The following FAT3 variants were observed in gnomAD, a reference collection of about 807,000 sequenced individuals.
The protein encoded by FAT3 is protocadherin Fat 3.
In FAT3, 95 loss-of-function variants were observed where a neutral mutation model predicts 310.2. The observed-to-expected ratio is 0.31, with a 90% CI of 0.26 to 0.36. The LOEUF (loss-of-function observed/expected upper bound fraction) is 0.36, where lower values mean the gene tolerates loss of function less well. FAT3 is among the 10% of genes least tolerant of loss of function. The probability of loss-of-function intolerance (pLI) is 1.00; values close to 1 mark genes in which losing one functional copy is unlikely to be tolerated. For missense variants in FAT3, 5,408 were observed against 5,715.6 expected (o/e 0.95, Z 1.74); for synonymous variants, 2,314 against 2,192.9 (o/e 1.06, Z -1.54).
chr11:92,702,212 G>C (rs1382823564), intron 4 of FAT3, among the ~76,000 whole-genome samples: 1 of 152,132 alleles, frequency 6.6e-6, no homozygotes, highest in Non-Finnish European at 1.5e-5. Flanking sequence ...TGGTAGCCAT[G>C]GTCAGCATGG....
At chr11:92,862,081 T>C (rs767880828) in intron 21 of FAT3, among the ~76,000 whole-genome samples, 5 of 152,178 alleles carry the variant, frequency 3.3e-5, no homozygotes, top group Non-Finnish European at 5.9e-5. Context: ...AGGCTTACCA[T>C]AAGCATCCAA....
In FAT3 at chr11:92,349,725, A is replaced by G. The variant is rs751249029; in HGVS notation, c.-17-2371A>G. The stretch of plus-strand genomic sequence containing the variant: ...CTGTTCCACTTACTTAGCATATGCA[A>G]TGTCTCTAAAGAACTGCATGTGAAA... On this transcript the variant is annotated intron_variant, in intron 1 of 27. Coordinates refer to ENST00000525166, the MANE Select transcript of FAT3 (RefSeq NM_001367949.2). Among the ~76,000 whole-genome samples, 15 of 152,182 alleles carry G rather than the reference A, an allele frequency of 9.9e-5. No homozygotes were observed. The East Asian group carries it at 2.1e-3, about 21-fold the overall frequency.
intron 21 of FAT3, among the ~76,000 whole-genome samples, chr11:92,864,953 C>T (rs185038216): frequency 2.0e-5 from 3 of 152,336 alleles, no homozygotes; most frequent in African/African-American, 7.2e-5. Flanking sequence ...ATGTGGCTAA[C>T]CATTCTGCAG....
chr11:92,687,330 G>C (rs939146565), intron 3 of FAT3, among the ~76,000 whole-genome samples: 6 of 152,148 alleles, frequency 3.9e-5, no homozygotes, highest in Non-Finnish European at 8.8e-5. Flanking sequence ...CTAAAAAATA[G>C]CAGAGCCAGG....
At chr11:92,829,181 T>C in intron 13 of FAT3, among the ~76,000 whole-genome samples, 1 of 152,342 alleles carries the variant, frequency 6.6e-6, no homozygotes, top group Admixed American at 6.5e-5. Flanking sequence ...TGCATGTTGT[T>C]CCTCATGCCT....
intron 3 of FAT3, among the ~76,000 whole-genome samples, chr11:92,680,795 A>C (rs1354399463): frequency 6.6e-6 from 1 of 152,172 alleles, no homozygotes; most frequent in African/African-American, 2.4e-5. Flanking sequence ...AAAAAAGCTT[A>C]AGCTCACAGA....
intron 16 of FAT3, among the ~76,000 whole-genome samples, chr11:92,837,352 C>A (rs1345370660): frequency 6.6e-6 from 1 of 152,158 alleles, no homozygotes; most frequent in Non-Finnish European, 1.5e-5. Context: ...GTGGTTTTGT[C>A]CCCCAGGGAC....
intron 6 of FAT3, among the ~76,000 whole-genome samples, chr11:92,765,496 C>G (rs895087569): frequency 6.6e-6 from 1 of 151,916 alleles, no homozygotes; most frequent in African/African-American, 2.4e-5. Flanking sequence ...TCCCGACTGC[C>G]CTGCTTCAAG....
chr11:92,530,362 A>C (rs1023190933), intron 3 of FAT3, among the ~76,000 whole-genome samples: 4 of 152,080 alleles, frequency 2.6e-5, no homozygotes, highest in Admixed American at 1.3e-4. Context: ...CAAATGAGGG[A>C]GGTAACAAGG....
At chr11:92,874,974 G>A (rs750839365) in intron 22 of FAT3, among the ~76,000 whole-genome samples, 6 of 151,846 alleles carry the variant, frequency 4.0e-5, no homozygotes, top group Middle Eastern at 3.2e-3. Flanking sequence ...AAACACTAAA[G>A]CATTAGATTA....
At chr11:92,847,624 T>G (rs1327972661) in intron 19 of FAT3, among the ~76,000 whole-genome samples, 1 of 152,158 alleles carries the variant, frequency 6.6e-6, no homozygotes. Context: ...CACTTAGATA[T>G]GGACAGTTGG....
At chr11:92,623,668 G>T (rs1360060819) in intron 3 of FAT3, among the ~76,000 whole-genome samples, 1 of 152,194 alleles carries the variant, frequency 6.6e-6, no homozygotes, top group Non-Finnish European at 1.5e-5. Context: ...CAGTGGCTGG[G>T]CATGGTGTCT....
intron 4 of FAT3, among the ~76,000 whole-genome samples, chr11:92,712,303 C>G (rs902838694): frequency 6.6e-6 from 1 of 152,132 alleles, no homozygotes; most frequent in African/African-American, 2.4e-5. Flanking sequence ...AAAAGGGACT[C>G]TGGAAAGACT....
intron 20 of FAT3, among the ~76,000 whole-genome samples, chr11:92,857,623 G>A (rs1358902134): frequency 1.3e-5 from 2 of 152,144 alleles, no homozygotes; most frequent in African/African-American, 4.8e-5. Flanking sequence ...GGCTGTTAAG[G>A]GTGTGAAATT....
chr11:92,433,926 T>G (rs1591285273), intron 2 of FAT3, among the ~76,000 whole-genome samples: 1 of 149,434 alleles, frequency 6.7e-6, no homozygotes, highest in African/African-American at 2.5e-5. Context: ...TGAGGCAGGA[T>G]AATGGCGTGA....
chr11:92,653,228 G>A (rs908196187), intron 3 of FAT3, among the ~76,000 whole-genome samples: 1 of 107,502 alleles, frequency 9.3e-6, no homozygotes, highest in African/African-American at 4.1e-5. Context: ...GCTCGCATGC[G>A]TGTGCACACG....
intron 2 of FAT3, among the ~76,000 whole-genome samples, chr11:92,495,146 C>G (rs1952716430): frequency 6.6e-6 from 1 of 151,962 alleles, no homozygotes; most frequent in Non-Finnish European, 1.5e-5. Flanking sequence ...ATTTGCCTAG[C>G]AAATTATACA....
chr11:92,564,040 T>C (rs1955339107), intron 3 of FAT3, among the ~76,000 whole-genome samples: 1 of 151,770 alleles, frequency 6.6e-6, no homozygotes, highest in South Asian at 2.1e-4. Context: ...ATAACAATAT[T>C]AAATTTAAAT....
At chr11:92,852,721 A>C (rs922840877) in intron 19 of FAT3, among the ~76,000 whole-genome samples, 1 of 152,182 alleles carries the variant, frequency 6.6e-6, no homozygotes, top group Non-Finnish European at 1.5e-5. Flanking sequence ...TAATATTTAT[A>C]TTTGAGTATT....
Sources: gnomAD v4.1 joint callset for allele counts (sites outside exome capture counted in the v4.1 genomes callset) on GRCh38, gnomAD v4.1.1 for gene constraint, MANE v1.5 for transcripts, NCBI Gene and HGNC (gene_info 2026-07-23, HGNC 2026-07-21) for gene names.